The following RTN1 variants were observed in gnomAD, a reference collection of about 807,000 sequenced individuals.
RTN1 encodes reticulon-1.
RTN1 carries 25 observed loss-of-function variants against 65.5 expected under a neutral mutation model. That is an observed-to-expected ratio of 0.38 (90% CI 0.28 to 0.53). The LOEUF (loss-of-function observed/expected upper bound fraction) is 0.53, where lower values mean the gene tolerates loss of function less well. Among genes scored for constraint, RTN1 ranks in the 20% least tolerant of loss-of-function variants. RTN1 has a pLI of 0.79. For missense variants in RTN1, 983 were observed against 1,025.4 expected (o/e 0.96, Z 0.57); for synonymous variants, 471 against 447.6 (o/e 1.05, Z -0.66).
intron 1 of RTN1, among the ~76,000 whole-genome samples, chr14:59,856,355 G>A (rs1032892706): frequency 2.6e-5 from 4 of 152,194 alleles, no homozygotes; most frequent in African/African-American, 9.7e-5. Context: ...ATTTAGCCCT[G>A]TACTGGCGGG....
In RTN1 at chr14:59,671,193, A is replaced by G. The variant is rs57002879; in HGVS notation, c.1765+55726T>C. Among the ~76,000 whole-genome samples the G allele has an allele frequency of 8.6e-3, 1,306 of 152,172 alleles. 55 individuals are homozygous for G. The East Asian group carries it at 0.15, about 17-fold the overall frequency. ...ACACATCAAAAAGTCATACTTGTGG[A>G]AAAAAAAGAGAAAATGTTGAGTCAA... On this transcript the variant is annotated intron_variant, in intron 3 of 8. Transcript: ENST00000267484.
intron 3 of RTN1, among the ~76,000 whole-genome samples, chr14:59,722,572 G>A (rs938781581): frequency 2.0e-5 from 3 of 152,160 alleles, no homozygotes; most frequent in African/African-American, 7.2e-5. Context: ...AGGAGTGAAC[G>A]ATTTCCATGA....
chr14:59,672,619 A>G (rs1445281528), intron 3 of RTN1, among the ~76,000 whole-genome samples: 1 of 131,476 alleles, frequency 7.6e-6, no homozygotes, highest in Non-Finnish European at 1.6e-5. Context: ...TGAATACAAG[A>G]TATTTCTTTT....
In RTN1 at chr14:59,699,521, G is replaced by A. The variant is rs115379243; in HGVS notation, c.1765+27398C>T. Reference sequence around the variant, plus strand: ...ATAATAAAGACACAGCTTGTAACAAGTTGATGTTAAGAATTTAGTGTGGAG... The same window carrying A: ...ATAATAAAGACACAGCTTGTAACAAATTGATGTTAAGAATTTAGTGTGGAG... On this transcript the variant is annotated intron_variant, in intron 3 of 8. Transcript: ENST00000267484. Among the ~76,000 whole-genome samples the A allele has an allele frequency of 6.9e-3, 1,051 of 152,260 alleles. 11 individuals carry two copies. Among genetic ancestry groups the A allele is most frequent in the African/African-American group, 0.024 (1,001 of 41,562 alleles).
At chr14:59,751,191 C>CTTTT (rs34021179) in intron 1 of RTN1, among the ~76,000 whole-genome samples, 25 of 90,792 alleles carry the variant, frequency 2.8e-4, no homozygotes, top group Non-Finnish European at 3.1e-4. Flanking sequence ...CTCATTATAC[C>CTTTT]TTTTTTTTTT....
rs183622375 is a variant in RTN1, at chr14:59,821,835, A to G, written c.241+48555T>C. On this transcript the variant is annotated intron_variant, in intron 1 of 8. Transcript: ENST00000267484. Reference sequence around the variant, plus strand: ...CACATTTATTGATTTGCATATGTTGAACCAACCTTGCATCCCAGGAATAAA... The same window carrying G: ...CACATTTATTGATTTGCATATGTTGGACCAACCTTGCATCCCAGGAATAAA... Among the ~76,000 whole-genome samples, 10 of 152,302 alleles carry G rather than the reference A, an allele frequency of 6.6e-5. No homozygotes were observed. In the East Asian group the frequency reaches 1.9e-3, roughly 29 times the overall value.
intron 1 of RTN1, among the ~76,000 whole-genome samples, chr14:59,844,687 C>G (rs1468933886): frequency 6.6e-6 from 1 of 151,982 alleles, no homozygotes; most frequent in Non-Finnish European, 1.5e-5. Flanking sequence ...TTGTTAACAC[C>G]ACAAACTATA....
chr14:59,798,863 TAC>T (rs910524793), intron 1 of RTN1, among the ~76,000 whole-genome samples: 1 of 152,160 alleles, frequency 6.6e-6, no homozygotes, highest in African/African-American at 2.4e-5. Context: ...TTAATAAATT[TAC>T]AGATAAAAAT....
intron 1 of RTN1, among the ~76,000 whole-genome samples, chr14:59,750,335 T>TA (rs1248521429): frequency 0.055 from 450 of 8,200 alleles, 26 homozygotes; most frequent in Admixed American, 0.095. Flanking sequence ...ATATAATATA[T>TA]TATATCTATA....
At chr14:59,731,099 C>T (rs368418285) in intron 2 of RTN1, among the ~76,000 whole-genome samples, 1 of 151,998 alleles carries the variant, frequency 6.6e-6, no homozygotes, top group East Asian at 1.9e-4. Context: ...AAGGTAGAAA[C>T]AATCTAATAT....
In RTN1 at chr14:59,790,301, AG is replaced by A. The variant is rs1886325440; in HGVS notation, c.242-43821del. On this transcript the variant is annotated intron_variant, in intron 1 of 8. Transcript: ENST00000267484. The surrounding 1 kb of genome is among the most constrained non-coding windows in gnomAD (Gnocchi z 4.1). ...CACACAGACACACACACACACCTCT[AG>A]GAAAAAAGTAGTGGGAAATATGGCA... 6.6e-6 allele frequency among the ~76,000 whole-genome samples: 1 copy of A among 152,128 alleles called. No homozygotes were observed. The highest frequency in any genetic ancestry group is 1.5e-5 in the Non-Finnish European group (1 of 67,980).
At position 59,868,990 on chromosome 14, in the gene RTN1, C is replaced by T. The variant is rs184724282; in HGVS notation, c.241+1400G>A. ...CTTAGATTTAAATCCTCCCCCACTC[C>T]TAGGGATATAATAATTAATATATAA... On this transcript the variant is annotated intron_variant, in intron 1 of 8. Coordinates refer to ENST00000267484, the MANE Select transcript of RTN1 (RefSeq NM_021136.3). The surrounding 1 kb of genome is among the most constrained non-coding windows in gnomAD (Gnocchi z 4.0). Among the ~76,000 whole-genome samples, 1 of 152,310 alleles carries T rather than the reference C, an allele frequency of 6.6e-6. No homozygotes were observed. The highest frequency in any genetic ancestry group is 6.5e-5 in the Admixed American group (1 of 15,310).
chr14:59,669,158 A>G (rs1883446073), intron 3 of RTN1, among the ~76,000 whole-genome samples: 1 of 152,202 alleles, frequency 6.6e-6, no homozygotes, highest in Non-Finnish European at 1.5e-5. Context: ...ATGCACACAT[A>G]TGTTTATTGC....
rs1377018392 is a variant in RTN1, at chr14:59,803,731, C to T, written c.242-57250G>A. ...CACTTTCCTTTCCTGAGCTGCGCTACCTGTGACCTGAGGAAAAACAGCAGC... is the reference window on the plus strand; with the variant it reads ...CACTTTCCTTTCCTGAGCTGCGCTATCTGTGACCTGAGGAAAAACAGCAGC... On this transcript the variant is annotated intron_variant, in intron 1 of 8. Transcript: ENST00000267484. This position sits in a 1 kb window ranked among gnomAD's most constrained non-coding sequence, Gnocchi z 5.6. 6.6e-6 allele frequency among the ~76,000 whole-genome samples: 1 copy of T among 152,176 alleles called. No homozygotes were observed. Among genetic ancestry groups the T allele is most frequent in the East Asian group, 1.9e-4 (1 of 5,198 alleles).
Position 59,846,263 on chromosome 14 carries a change from T to A in RTN1, c.241+24127A>T, listed in dbSNP as rs1300362328. Among the ~76,000 whole-genome samples the A allele has an allele frequency of 1.3e-5, 2 of 152,110 alleles. No individual in the cohort carries two copies. Among genetic ancestry groups the A allele is most frequent in the Non-Finnish European group, 2.9e-5 (2 of 68,006 alleles). ...AAACAGAATGAACTGAGATGATAAA[T>A]CCTGGCCCATCTGCTGCTTGTGTCC... On this transcript the variant is annotated intron_variant, in intron 1 of 8. Coordinates refer to ENST00000267484, the MANE Select transcript of RTN1 (RefSeq NM_021136.3). This position sits in a 1 kb window ranked among gnomAD's most constrained non-coding sequence, Gnocchi z 4.8.
At chr14:59,749,623 A>G (rs1314058511) in intron 1 of RTN1, among the ~76,000 whole-genome samples, 1 of 59,736 alleles carries the variant, frequency 1.7e-5, no homozygotes, top group African/African-American at 1.1e-4. Flanking sequence ...TTATATAGAT[A>G]TCTATATATA....
intron 1 of RTN1, among the ~76,000 whole-genome samples, chr14:59,769,183 C>T (rs7155725): frequency 0.46 from 69,887 of 151,948 alleles, 17,952 homozygotes; most frequent in African/African-American, 0.7. Context: ...CTCTCTAGGG[C>T]ATCTAGTAAA....
chr14:59,596,730 C>T lies in RTN1; in HGVS notation c.*15G>A, dbSNP rs767098402. The T allele has an allele frequency of 1.0e-5, 16 of 1,598,832 alleles. No homozygotes were observed. The highest frequency in any genetic ancestry group is 1.3e-5 in the African/African-American group (1 of 74,584). On this transcript the variant is annotated 3_prime_UTR_variant, in exon 9 of 9. Coordinates refer to ENST00000267484, the MANE Select transcript of RTN1 (RefSeq NM_021136.3). ...GACATTCCTGTTTGTGTCCAGTCCC[C>T]GGTGGGAAATCAGTTTACTCAGCAT...
intron 3 of RTN1, among the ~76,000 whole-genome samples, chr14:59,655,962 A>T (rs1375404777): frequency 6.6e-6 from 1 of 152,260 alleles, no homozygotes; most frequent in Non-Finnish European, 1.5e-5. Flanking sequence ...ATTGTTCATG[A>T]CAGTCACAAA....
Sources: gnomAD v4.1 joint callset for allele counts (sites outside exome capture counted in the v4.1 genomes callset) on GRCh38, gnomAD v4.1.1 for gene constraint, Gnocchi (gnomAD v3.1) non-coding constraint, MANE v1.5 for transcripts, NCBI Gene and HGNC (gene_info 2026-07-23, HGNC 2026-07-21) for gene names.